The following KIF6 variants were observed in gnomAD, a reference collection of about 807,000 sequenced individuals.
The protein encoded by KIF6 is kinesin-like protein KIF6.
Under a neutral mutation model 112.7 loss-of-function variants are expected in KIF6, and 106 were observed. The observed-to-expected ratio is 0.94, with a 90% CI of 0.80 to 1.11. KIF6 has a LOEUF of 1.11. KIF6 is among the 50% of genes least tolerant of loss of function. The pLI, the probability that KIF6 is intolerant of heterozygous loss-of-function variation, is 0.00. For synonymous variants in KIF6, 339 were observed against 339.9 expected, an observed-to-expected ratio of 1.00 and a Z score of 0.03; for missense variants, 929 against 964.0, an observed-to-expected ratio of 0.96 and a Z score of 0.48.
intron 13 of KIF6, among the ~76,000 whole-genome samples, chr6:39,437,464 T>C (rs1422635556): frequency 6.6e-6 from 1 of 152,226 alleles, no homozygotes; most frequent in African/African-American, 2.4e-5. Context: ...TTTGAATGAA[T>C]GAATGAATGA....
At chr6:39,399,321 C>T (rs1768511850) in intron 15 of KIF6, among the ~76,000 whole-genome samples, 1 of 152,142 alleles carries the variant, frequency 6.6e-6, no homozygotes, top group South Asian at 2.1e-4. Context: ...TGATCTTGTC[C>T]CCACCTCACA....
intron 4 of KIF6, among the ~76,000 whole-genome samples, chr6:39,635,883 A>G (rs975697680): frequency 1.3e-5 from 2 of 152,076 alleles, no homozygotes; most frequent in Non-Finnish European, 1.5e-5. Context: ...CATGCTTCTC[A>G]TAAGAGGAGA....
intron 16 of KIF6, among the ~76,000 whole-genome samples, chr6:39,380,578 C>T (rs564523098): frequency 1.8e-4 from 27 of 152,210 alleles, no homozygotes; most frequent in South Asian, 1.2e-3. Context: ...CGCACACACC[C>T]GGCCATGAAA....
At chr6:39,661,444 T>C (rs777041040) in intron 3 of KIF6, among the ~76,000 whole-genome samples, 23 of 152,340 alleles carry the variant, frequency 1.5e-4, no homozygotes, top group Non-Finnish European at 2.6e-4. Flanking sequence ...TGTACACTTT[T>C]AGATTTTTTT....
intron 3 of KIF6, among the ~76,000 whole-genome samples, chr6:39,660,514 T>C (rs1561906726): frequency 6.6e-6 from 1 of 151,322 alleles, no homozygotes; most frequent in Non-Finnish European, 1.5e-5. Context: ...TAAGTTCAGA[T>C]ACATAAAATG....
At chr6:39,394,996 A>T (rs115913762) in intron 15 of KIF6, among the ~76,000 whole-genome samples, 4,565 of 152,270 alleles carry the variant, frequency 0.03, 228 homozygotes, top group African/African-American at 0.1. Flanking sequence ...TCAGCTTGGG[A>T]TGAAAACACC....
Position 39,349,471 on chromosome 6 carries a change from G to A in KIF6, c.2181-2945C>T, listed in dbSNP as rs559061791. Among the ~76,000 whole-genome samples, 142 of 152,040 alleles carry A rather than the reference G, an allele frequency of 9.3e-4. 1 individual carries two copies. The highest frequency in any genetic ancestry group is 3.8e-3 in the South Asian group (18 of 4,782). On this transcript the variant is annotated intron_variant, in intron 19 of 22. Transcript: ENST00000287152. ...GAAGAAAAGGAGAAGGGGGATGTAA[G>A]GCAGGAATAGAGATAGGCAGAGCTG...
At chr6:39,564,405 T>C (rs1477045643) in intron 10 of KIF6, among the ~76,000 whole-genome samples, 2 of 152,188 alleles carry the variant, frequency 1.3e-5, no homozygotes, top group Non-Finnish European at 2.9e-5. Context: ...TAGAAAAATA[T>C]GCAGTCTTAA....
At chr6:39,463,252 C>A (rs541632574) in intron 13 of KIF6, among the ~76,000 whole-genome samples, 1 of 152,298 alleles carries the variant, frequency 6.6e-6, no homozygotes, top group Non-Finnish European at 1.5e-5. Flanking sequence ...TATCTCACTT[C>A]CACAGTGTGA....
intron 13 of KIF6, among the ~76,000 whole-genome samples, chr6:39,447,366 C>T (rs1025455336): frequency 6.6e-6 from 1 of 152,212 alleles, no homozygotes; most frequent in African/African-American, 2.4e-5. Context: ...TGGGCTGTGG[C>T]TCCCAAACTC....
chr6:39,587,727 C>G (rs1455326371), intron 7 of KIF6, among the ~76,000 whole-genome samples: 3 of 152,162 alleles, frequency 2.0e-5, no homozygotes, highest in African/African-American at 4.8e-5. Flanking sequence ...CTGCCCTTCA[C>G]CTTCTTATTG....
intron 10 of KIF6, among the ~76,000 whole-genome samples, chr6:39,568,571 A>G (rs1232767939): frequency 6.6e-6 from 1 of 151,080 alleles, no homozygotes; most frequent in African/African-American, 2.4e-5. Flanking sequence ...TTAATTTGAG[A>G]TGGAGTCTTG....
chr6:39,606,464 AT>A (rs997485153), intron 6 of KIF6, among the ~76,000 whole-genome samples: 4 of 152,074 alleles, frequency 2.6e-5, no homozygotes, highest in Non-Finnish European at 5.9e-5. Context: ...CTTTCTGATA[AT>A]TTTATCTTTG....
At position 39,651,131 on chromosome 6, in the gene KIF6, GAA is replaced by G. The variant is rs200615885; in HGVS notation, c.252-11376_252-11375del. 9.8e-3 allele frequency among the ~76,000 whole-genome samples: 1,488 copies of G among 152,256 alleles called. 29 individuals carry two copies. The highest frequency in any genetic ancestry group is 0.033 in the African/African-American group (1,372 of 41,556). Reference sequence around the variant, plus strand: ...TTTGGAGAGATAGAAAGCATTTAAAGAAAGTCTTCTACAAAAATTTATAATTA... The same window carrying G: ...TTTGGAGAGATAGAAAGCATTTAAAGAGTCTTCTACAAAAATTTATAATTA... On this transcript the variant is annotated intron_variant, in intron 3 of 22. Coordinates refer to ENST00000287152, the MANE Select transcript of KIF6 (RefSeq NM_145027.6).
chr6:39,688,604 G>A (rs957640529), intron 3 of KIF6, among the ~76,000 whole-genome samples: 4 of 152,062 alleles, frequency 2.6e-5, no homozygotes, highest in Non-Finnish European at 2.9e-5. Flanking sequence ...CCACAGGAAC[G>A]AGTAGTAGCC....
At chr6:39,724,203 C>A (rs2113915827) in intron 1 of KIF6, among the ~76,000 whole-genome samples, 1 of 152,318 alleles carries the variant, frequency 6.6e-6, no homozygotes, top group Non-Finnish European at 1.5e-5. Context: ...GTAATCCCAG[C>A]ACTTTGGGAG....
At position 39,438,474 on chromosome 6, in the gene KIF6, A is replaced by C. The variant is rs144724282; in HGVS notation, c.1646-7313T>G. ...TGGAGGTGGAAGACAGTGACACTGAAGGTCCTGACACTGTGTCTTCATTTT... is the reference window on the plus strand; with the variant it reads ...TGGAGGTGGAAGACAGTGACACTGACGGTCCTGACACTGTGTCTTCATTTT... On this transcript the variant is annotated intron_variant, in intron 13 of 22. Coordinates refer to ENST00000287152, the MANE Select transcript of KIF6 (RefSeq NM_145027.6). Among the ~76,000 whole-genome samples the C allele has an allele frequency of 9.5e-3, 1,443 of 152,290 alleles. 16 individuals carry two copies. The highest frequency in any genetic ancestry group is 0.041 in the Middle Eastern group (12 of 294).
In KIF6 at chr6:39,573,877, G is replaced by A. The variant is rs183958739; in HGVS notation, c.1181+4179C>T. On this transcript the variant is annotated intron_variant, in intron 10 of 22. Coordinates refer to ENST00000287152, the MANE Select transcript of KIF6 (RefSeq NM_145027.6). The stretch of plus-strand genomic sequence containing the variant: ...TTCTTGAGAGCAGGATCTAGGTTTT[G>A]CTCATATTTGTGCCCCACTCAGGGC... Among the ~76,000 whole-genome samples, 7 of 152,290 alleles carry A rather than the reference G, an allele frequency of 4.6e-5. 1 individual carries two copies. The highest frequency in any genetic ancestry group is 1.7e-4 in the African/African-American group (7 of 41,580).
chr6:39,657,148 G>A (rs947691266), intron 3 of KIF6, among the ~76,000 whole-genome samples: 1 of 151,540 alleles, frequency 6.6e-6, no homozygotes, highest in East Asian at 1.9e-4. Flanking sequence ...TAGGAGAATC[G>A]CTTGAACCCT....
Sources: gnomAD v4.1 joint callset for allele counts (sites outside exome capture counted in the v4.1 genomes callset) on GRCh38, gnomAD v4.1.1 for gene constraint, MANE v1.5 for transcripts, NCBI Gene and HGNC (gene_info 2026-07-23, HGNC 2026-07-21) for gene names.